KCTD8: variants seen among roughly 807,000 people sequenced by gnomAD.
KCTD8 encodes potassium channel tetramerization domain containing 8.
KCTD8 carries 27 observed loss-of-function variants against 31.5 expected under a neutral mutation model. The ratio of observed to expected loss-of-function variants is 0.86; its 90% CI spans 0.63 to 1.18. The LOEUF is 1.18. KCTD8 is among the 50% of genes most tolerant of loss of function. The probability of loss-of-function intolerance (pLI) is 0.00; values close to 1 mark genes in which losing one functional copy is unlikely to be tolerated. For synonymous variants in KCTD8, 290 were observed against 280.0 expected (o/e 1.04, Z -0.36); for missense variants, 658 against 647.7 (o/e 1.02, Z -0.17).
intron 1 of KCTD8, among the ~76,000 whole-genome samples, chr4:44,182,196 AC>A (rs946428278): frequency 1.5e-5 from 2 of 137,000 alleles, no homozygotes; most frequent in African/African-American, 5.6e-5. Context: ...TGGCCGGCCG[AC>A]CCGTCCGGGA....
intron 1 of KCTD8, among the ~76,000 whole-genome samples, chr4:44,364,988 G>T (rs1719592665): frequency 6.6e-6 from 1 of 151,912 alleles, no homozygotes; most frequent in African/African-American, 2.4e-5. Context: ...AAACTGTAAT[G>T]GTAGATACAT....
chr4:44,177,217 T>C (rs1393549914), intron 1 of KCTD8, among the ~76,000 whole-genome samples: 1 of 152,142 alleles, frequency 6.6e-6, no homozygotes, highest in Non-Finnish European at 1.5e-5. Context: ...TTAAGCTCTC[T>C]TGCCTTCTGG....
At chr4:44,405,363 T>C (rs1435325486) in intron 1 of KCTD8, among the ~76,000 whole-genome samples, 2 of 152,144 alleles carry the variant, frequency 1.3e-5, no homozygotes, top group African/African-American at 4.8e-5. Context: ...GTTCAAGGGA[T>C]TCTCCTGCCT....
At chr4:44,424,831 C>T (rs1039523818) in intron 1 of KCTD8, among the ~76,000 whole-genome samples, 2 of 151,936 alleles carry the variant, frequency 1.3e-5, no homozygotes, top group Non-Finnish European at 2.9e-5. Flanking sequence ...TTGCTGTTAC[C>T]CAGTTCTCAT....
At chr4:44,441,629 A>G (rs774096673) in intron 1 of KCTD8, among the ~76,000 whole-genome samples, 1 of 152,196 alleles carries the variant, frequency 6.6e-6, no homozygotes, top group Non-Finnish European at 1.5e-5. Context: ...ATAAGACAGA[A>G]CTATTCAAAT....
intron 1 of KCTD8, among the ~76,000 whole-genome samples, chr4:44,349,062 G>T (rs1004293911): frequency 7.4e-6 from 1 of 134,584 alleles, no homozygotes; most frequent in Admixed American, 7.7e-5. Flanking sequence ...CACCACCATC[G>T]CTGCCACCGC....
At chr4:44,425,728 G>A (rs1386356514) in intron 1 of KCTD8, among the ~76,000 whole-genome samples, 1 of 151,900 alleles carries the variant, frequency 6.6e-6, no homozygotes, top group Non-Finnish European at 1.5e-5. Flanking sequence ...AAGATAGAGG[G>A]AGCTATAGAT....
chr4:44,427,168 G>A (rs1160418233), intron 1 of KCTD8, among the ~76,000 whole-genome samples: 1 of 151,364 alleles, frequency 6.6e-6, no homozygotes, highest in Admixed American at 6.6e-5. Flanking sequence ...TAAACTTGGT[G>A]ATGGTTATGA....
At chr4:44,397,023 A>T (rs1720522804) in intron 1 of KCTD8, among the ~76,000 whole-genome samples, 1 of 152,164 alleles carries the variant, frequency 6.6e-6, no homozygotes, top group South Asian at 2.1e-4. Flanking sequence ...CTAGGACCTC[A>T]ATAACATTCC....
chr4:44,332,378 T>C (rs1718610376), intron 1 of KCTD8, among the ~76,000 whole-genome samples: 1 of 152,012 alleles, frequency 6.6e-6, no homozygotes, highest in African/African-American at 2.4e-5. Context: ...GGCTGTTATA[T>C]AATATACCTT....
At chr4:44,250,305 T>C (rs1715789546) in intron 1 of KCTD8, among the ~76,000 whole-genome samples, 1 of 151,772 alleles carries the variant, frequency 6.6e-6, no homozygotes, top group Admixed American at 6.6e-5. Context: ...GTTATCTGAG[T>C]TAGTGATTTT....
chr4:44,278,356 C>T (rs1214291277), intron 1 of KCTD8, among the ~76,000 whole-genome samples: 1 of 151,898 alleles, frequency 6.6e-6, no homozygotes, highest in African/African-American at 2.4e-5. Flanking sequence ...CTTTCCTAAC[C>T]CCACTTTCTG....
chr4:44,383,855 A>G (rs1431566013), intron 1 of KCTD8, among the ~76,000 whole-genome samples: 1 of 151,340 alleles, frequency 6.6e-6, no homozygotes, highest in Non-Finnish European at 1.5e-5. Flanking sequence ...TCTGCATAGC[A>G]AAGGAAACAA....
intron 1 of KCTD8, among the ~76,000 whole-genome samples, chr4:44,260,324 T>C (rs1298376836): frequency 1.3e-5 from 2 of 151,908 alleles, no homozygotes; most frequent in African/African-American, 2.4e-5. Flanking sequence ...TCACCTACTA[T>C]GTTCTAGGTA....
chr4:44,394,017 A>G (rs1720437429), intron 1 of KCTD8, among the ~76,000 whole-genome samples: 1 of 152,060 alleles, frequency 6.6e-6, no homozygotes, highest in South Asian at 2.1e-4. Context: ...AGAATATAAT[A>G]TAAGCATTCA....
At chr4:44,286,434 T>G (rs902685911) in intron 1 of KCTD8, among the ~76,000 whole-genome samples, 1 of 152,226 alleles carries the variant, frequency 6.6e-6, no homozygotes, top group Middle Eastern at 3.4e-3. Flanking sequence ...CACAATATAT[T>G]TGCCAGGAAT....
At chr4:44,280,682 G>A (rs1716881912) in intron 1 of KCTD8, among the ~76,000 whole-genome samples, 1 of 151,958 alleles carries the variant, frequency 6.6e-6, no homozygotes, top group Non-Finnish European at 1.5e-5. Flanking sequence ...AATAGTGATG[G>A]TTCTCTTTTT....
At chr4:44,181,329 T>C (rs1276097301) in intron 1 of KCTD8, among the ~76,000 whole-genome samples, 1 of 152,150 alleles carries the variant, frequency 6.6e-6, no homozygotes, top group African/African-American at 2.4e-5. Context: ...CCATCTCTGC[T>C]TACTGCAACC....
At chr4:44,312,350 C>A (rs1314925380) in intron 1 of KCTD8, among the ~76,000 whole-genome samples, 2 of 152,094 alleles carry the variant, frequency 1.3e-5, no homozygotes, top group Non-Finnish European at 2.9e-5. Context: ...AAAGGGCATT[C>A]AAGCCAGGAC....
Sources: allele counts gnomAD v4.1 joint callset (sites outside exome capture counted in the v4.1 genomes callset), GRCh38; gene constraint gnomAD v4.1.1; transcripts MANE v1.5; gene names NCBI Gene and HGNC (gene_info 2026-07-23, HGNC 2026-07-21).